DNAH6: variants seen among roughly 807,000 people sequenced by gnomAD.
The protein encoded by DNAH6 is dynein axonemal heavy chain 6.
A neutral mutation model predicts 491.4 loss-of-function variants in DNAH6; 340 were observed. The observed-to-expected ratio is 0.69, with a 90% confidence interval of 0.63 to 0.76. The LOEUF (loss-of-function observed/expected upper bound fraction) is 0.76, where lower values mean the gene tolerates loss of function less well. Among genes scored for constraint, DNAH6 ranks in the 30% least tolerant of loss-of-function variants. DNAH6 has a pLI of 0.00. For missense variants in DNAH6, 4,443 were observed against 4,972.2 expected, an observed-to-expected ratio of 0.89 and a Z score of 3.20; for synonymous variants, 1,603 against 1,686.1, an observed-to-expected ratio of 0.95 and a Z score of 1.21.
intron 33 of DNAH6, among the ~76,000 whole-genome samples, chr2:84,645,551 G>A (rs1006933604): frequency 6.6e-6 from 1 of 152,182 alleles, no homozygotes. Context: ...CGCATGTGGT[G>A]TCTTCTTTAG....
chr2:84,665,321 T>C (rs1048691383), intron 37 of DNAH6, among the ~76,000 whole-genome samples: 6 of 152,026 alleles, frequency 3.9e-5, no homozygotes, highest in African/African-American at 1.4e-4. Flanking sequence ...GCTGGTTTTT[T>C]TAAAAGATCA....
the DNAH6 span, among the ~76,000 whole-genome samples, chr2:84,491,296 C>A: frequency 0.85 from 129,383 of 152,208 alleles, 56,357 homozygotes; most frequent in East Asian, 0.99. Flanking sequence ...TACTTTGGTT[C>A]GTATGGCAGA....
chr2:84,811,596 C>G lies in DNAH6; in HGVS notation c.11740-745C>G, dbSNP rs556561116. Among the ~76,000 whole-genome samples, 3 of 152,290 alleles carry G rather than the reference C, an allele frequency of 2.0e-5. No homozygotes were observed. In the South Asian group the frequency reaches 6.2e-4, roughly 32 times the overall value. The stretch of plus-strand genomic sequence containing the variant: ...CCCTTTCCAGCCGGGCACGGTGGCT[C>G]ACACCTGTAATCCCAGCATGTTGGG... On this transcript the variant is annotated intron_variant, in intron 72 of 76. Transcript: ENST00000389394.
chr2:84,589,152 A>T (rs931711504), intron 16 of DNAH6, among the ~76,000 whole-genome samples, 198 bp downstream of exon 16: 5 of 152,224 alleles, frequency 3.3e-5, no homozygotes, highest in African/African-American at 1.2e-4. Flanking sequence ...CACACATGAG[A>T]TACCGAATAT....
chr2:84,692,869 G>T (rs1404040078), intron 45 of DNAH6, among the ~76,000 whole-genome samples: 1 of 152,184 alleles, frequency 6.6e-6, no homozygotes, highest in African/African-American at 2.4e-5. Flanking sequence ...TCGAGTAGAT[G>T]CCTGAAGCCA....
intron 11 of DNAH6, among the ~76,000 whole-genome samples, chr2:84,568,112 C>T (rs772701389): frequency 3.0e-4 from 45 of 152,030 alleles, no homozygotes; most frequent in African/African-American, 9.4e-4. Flanking sequence ...GGAATAGGAA[C>T]GCTTTTTACA....
At chr2:84,599,302 T>C (rs1392444595) in intron 18 of DNAH6, among the ~76,000 whole-genome samples, 1 of 152,110 alleles carries the variant, frequency 6.6e-6, no homozygotes, top group Non-Finnish European at 1.5e-5. Context: ...TGTACAGTGA[T>C]TTTCACAGAG....
At chr2:84,580,827 T>G (rs1360057650) in intron 14 of DNAH6, among the ~76,000 whole-genome samples, 2 of 152,158 alleles carry the variant, frequency 1.3e-5, no homozygotes, top group African/African-American at 4.8e-5. Context: ...CAGGGGTGCT[T>G]CATGGAACTT....
At chr2:84,656,494 G>A (rs576196385) in intron 35 of DNAH6, among the ~76,000 whole-genome samples, 47 of 152,154 alleles carry the variant, frequency 3.1e-4, no homozygotes, top group Non-Finnish European at 5.7e-4. Context: ...TAATGGGCAC[G>A]TAGTAGTATA....
chr2:84,809,130 A>G (rs762190979), intron 72 of DNAH6, among the ~76,000 whole-genome samples: 1 of 152,202 alleles, frequency 6.6e-6, no homozygotes, highest in African/African-American at 2.4e-5. Flanking sequence ...GTTCATAGAT[A>G]CTTTCTCTCT....
Position 84,604,383 on chromosome 2 carries a change from A to C in DNAH6, c.2913A>C (p.Arg971Ser), listed in dbSNP as rs750145492. 1.3e-6 allele frequency: 2 copies of C among 1,552,090 alleles called. No individual in the cohort carries two copies. The highest frequency in any genetic ancestry group is 2.7e-5 in the African/African-American group (2 of 73,046). Residue 971 changes from arginine (R) to serine (S), a missense_variant, in exon 19 of 77, where the codon AGA becomes AGC. Physicochemically the swap from Arg to Ser is moderately radical, Grantham distance 110. This residue lies in a region of DNAH6 where 2,977 missense variants were observed against 3,296.6 expected (regional missense o/e 0.90). Transcript: ENST00000389394. ...IDLRNPTLKA[R>S]HWAAIEQTVD... ...TGAGGAACCCGACTTTGAAGGCAAG[A>C]CATTGGGCAGCTATTGAACAAACAG...
chr2:84,795,543 A>G (rs1453788072), intron 68 of DNAH6, among the ~76,000 whole-genome samples: 2 of 152,212 alleles, frequency 1.3e-5, no homozygotes, highest in African/African-American at 2.4e-5. Context: ...AGAAATAGAG[A>G]TAAGAATGGA....
chr2:84,720,632 C>G (rs1245085011), intron 59 of DNAH6, among the ~76,000 whole-genome samples: 1 of 152,062 alleles, frequency 6.6e-6, no homozygotes, highest in Non-Finnish European at 1.5e-5. Context: ...TTTTATAAAT[C>G]GGGTGAGTTC....
At position 84,640,673 on chromosome 2, in the gene DNAH6, T is replaced by C. The variant is rs188984441; in HGVS notation, c.4970+95T>C. 185 of 1,206,040 alleles carry C rather than the reference T, an allele frequency of 1.5e-4. 3 individuals are homozygous for C. The African/African-American group carries it at 2.4e-3, about 16-fold the overall frequency. The allele number at this position is 1,206,040 out of a possible 1,614,324, so 74.7% of individuals were successfully genotyped here. ...GGAAAGGCTCTCAGAGAGTAACTGA[T>C]TAATAAATGTTGGCTGCTGCTGTTG... On this transcript the variant is annotated intron_variant, in intron 32 of 76. Transcript: ENST00000389394.
In DNAH6 at chr2:84,709,350, A is replaced by G. The variant is rs1268239975; in HGVS notation, c.9056A>G (p.Glu3019Gly). Reference sequence around the variant, plus strand: ...GCTTTCCCCCTTCTACAGCTTATAGAGTGTTGGATCCAGGACTGTCAGTCT... The same window carrying G: ...GCTTTCCCCCTTCTACAGCTTATAGGGTGTTGGATCCAGGACTGTCAGTCT... Reference protein sequence around the residue: ...FTAQYRQSLIECWIQDCQSLE... With the variant: ...FTAQYRQSLIGCWIQDCQSLE... Residue 3019 changes from glutamate to glycine, a missense_variant, in exon 55 of 77, where the codon GAG (glutamate) becomes GGG (glycine). By Grantham distance (98) the Glu-to-Gly change is moderately conservative. Around this residue, in one of 3 missense-constraint regions of DNAH6, gnomAD observed 1,463 missense variants for 1,656.6 expected, o/e 0.88. Transcript: ENST00000389394. 1.3e-6 allele frequency: 2 copies of G among 1,551,472 alleles called. No homozygotes were observed.
chr2:84,510,509 A>C, the DNAH6 span, among the ~76,000 whole-genome samples: 2 of 152,170 alleles, frequency 1.3e-5, no homozygotes, highest in East Asian at 3.9e-4. Context: ...CTTCTTTGCC[A>C]TGGGTTCGAA....
intron 8 of DNAH6, among the ~76,000 whole-genome samples, chr2:84,549,518 G>A (rs939559786): frequency 2.6e-5 from 4 of 152,194 alleles, no homozygotes; most frequent in Admixed American, 2.0e-4. Flanking sequence ...CTATTAGAAT[G>A]CAAGTTACAG....
intron 4 of DNAH6, among the ~76,000 whole-genome samples, chr2:84,532,327 T>C (rs1677253564): frequency 6.6e-6 from 1 of 152,202 alleles, no homozygotes; most frequent in Non-Finnish European, 1.5e-5. Flanking sequence ...AATCATGGTT[T>C]GTTATCATTA....
chr2:84,776,686 C>A (rs1676155079), intron 64 of DNAH6, among the ~76,000 whole-genome samples: 1 of 152,232 alleles, frequency 6.6e-6, no homozygotes, highest in African/African-American at 2.4e-5. Flanking sequence ...TCCTCTCCAG[C>A]ACCTGTTGTT....
Sources: gnomAD v4.1 joint callset for allele counts (sites outside exome capture counted in the v4.1 genomes callset) on GRCh38, gnomAD v4.1.1 for gene constraint, gnomAD v4.1.1 regional missense constraint, MANE v1.5 for transcripts, NCBI Gene and HGNC (gene_info 2026-07-23, HGNC 2026-07-21) for gene names.